DMD: variants seen among roughly 807,000 people sequenced by gnomAD.
DMD encodes the protein dystrophin.
In DMD, 63 loss-of-function variants were observed where a neutral mutation model predicts 330.1. That is an observed-to-expected ratio of 0.19 (90% CI 0.16 to 0.24). DMD has a LOEUF of 0.24. DMD is among the 10% of genes least tolerant of loss of function. DMD has a pLI of 1.00. For synonymous variants in DMD, 1,223 were observed against 959.8 expected, an observed-to-expected ratio of 1.27 and a Z score of -5.07; for missense variants, 3,344 against 2,684.1, an observed-to-expected ratio of 1.25 and a Z score of -5.43.
intron 1 of DMD, among the ~76,000 whole-genome samples, chrX:33,246,414 C>T (rs986147194): frequency 1.8e-5 from 2 of 111,347 alleles, no homozygotes; most frequent in Admixed American, 9.6e-5. Flanking sequence ...TGTTGTGTTT[C>T]TAATGTTGCT....
chrX:32,923,516 G>A (rs1292831965), intron 2 of DMD, among the ~76,000 whole-genome samples: 5 of 109,553 alleles, frequency 4.6e-5, no homozygotes, highest in African/African-American at 6.6e-5. Context: ...AGCCAAGATC[G>A]CACCACTTCA....
intron 1 of DMD, among the ~76,000 whole-genome samples, chrX:33,156,550 T>C (rs183187803): frequency 3.8e-3 from 422 of 111,952 alleles, no homozygotes; most frequent in South Asian, 9.2e-3. Context: ...GGAAGATTTA[T>C]TGGGGGAGAT....
At chrX:32,736,047 A>C (rs1368469079) in intron 7 of DMD, among the ~76,000 whole-genome samples, 1 of 111,927 alleles carries the variant, frequency 8.9e-6, no homozygotes, top group African/African-American at 3.2e-5. Flanking sequence ...CAGAATCTAC[A>C]ATGAACTCAA....
At chrX:31,547,299 C>T (rs752238741) in intron 55 of DMD, among the ~76,000 whole-genome samples, 12 of 112,068 alleles carry the variant, frequency 1.1e-4, no homozygotes, top group Non-Finnish European at 1.5e-4. Flanking sequence ...TAATGAAATG[C>T]TAGCACCACG....
intron 44 of DMD, among the ~76,000 whole-genome samples, chrX:32,053,908 T>G (rs2147558811): frequency 9.0e-6 from 1 of 111,185 alleles, no homozygotes; most frequent in Non-Finnish European, 1.9e-5. Context: ...TAAGGTCACC[T>G]AATTTTTTTT....
At position 32,803,358 on chromosome X, in the gene DMD, TTTC is replaced by T. The variant is rs772023074; in HGVS notation, c.649+6132_649+6134del. Among the ~76,000 whole-genome samples the T allele has an allele frequency of 5.4e-4, 60 of 111,409 alleles. No homozygotes were observed. The Middle Eastern group carries it at 0.028, about 51-fold the overall frequency. Reference sequence around the variant, plus strand: ...CTGTGTCTATTTGATTCTTCTCTCTTTTCTTCTTTTTTAGTCTGGCTAGCCATC... The same window carrying T: ...CTGTGTCTATTTGATTCTTCTCTCTTTTCTTTTTTAGTCTGGCTAGCCATC... On this transcript the variant is annotated intron_variant, in intron 7 of 78. Transcript: ENST00000357033.
intron 41 of DMD, among the ~76,000 whole-genome samples, chrX:32,323,878 G>T (rs2097635090): frequency 9.0e-6 from 1 of 111,404 alleles, no homozygotes. Context: ...AATGAAGTTG[G>T]TTAAAATGTC....
At chrX:33,287,304 C>T (rs2053447936) in intron 1 of DMD, among the ~76,000 whole-genome samples, 1 of 110,061 alleles carries the variant, frequency 9.1e-6, no homozygotes, top group Non-Finnish European at 1.9e-5. Context: ...CGGGGGAGGC[C>T]GTCCTTTGCA....
At chrX:31,250,949 G>A in intron 63 of DMD, among the ~76,000 whole-genome samples, 1 of 109,946 alleles carries the variant, frequency 9.1e-6, no homozygotes, top group East Asian at 2.9e-4. Context: ...GGGTGTGGTG[G>A]TGCACACCTG....
rs575632503 is a variant in DMD, at chrX:32,611,683, C to A, written c.1482+2620G>T. Reference sequence around the variant, plus strand: ...GCTGCCCTAGGTTATCCGTACTTAGCTATGCTAACATTCTTCTTCTACTGC... The same window carrying A: ...GCTGCCCTAGGTTATCCGTACTTAGATATGCTAACATTCTTCTTCTACTGC... On this transcript the variant is annotated intron_variant, in intron 12 of 78. Coordinates refer to ENST00000357033, the MANE Select transcript of DMD (RefSeq NM_004006.3). Among the ~76,000 whole-genome samples, 11 of 111,608 alleles carry A rather than the reference C, an allele frequency of 9.9e-5. No individual in the cohort carries two copies. The East Asian group carries it at 2.8e-3, about 29-fold the overall frequency.
At position 32,314,588 on chromosome X, in the gene DMD, A is replaced by G. The variant is rs141105938; in HGVS notation, c.5923-4312T>C. 8.1e-3 allele frequency among the ~76,000 whole-genome samples: 899 copies of G among 111,404 alleles called. 3 individuals carry two copies. Among genetic ancestry groups the G allele is most frequent in the Non-Finnish European group, 0.013 (690 of 53,055 alleles). ...GAAGAGCACAGCAAAAGACCCTATC[A>G]TGAGAGTCAACAGGCAACCTACAGA... On this transcript the variant is annotated intron_variant, in intron 41 of 78. Coordinates refer to ENST00000357033, the MANE Select transcript of DMD (RefSeq NM_004006.3).
intron 62 of DMD, among the ~76,000 whole-genome samples, chrX:31,307,839 A>G (rs1218575470): frequency 9.0e-6 from 1 of 111,297 alleles, no homozygotes; most frequent in Non-Finnish European, 1.9e-5. Context: ...CCTTACTCCA[A>G]CTTTTTTCAA....
intron 25 of DMD, among the ~76,000 whole-genome samples, chrX:32,458,323 A>T (rs2098369215): frequency 9.0e-6 from 1 of 111,442 alleles, no homozygotes; most frequent in Non-Finnish European, 1.9e-5. Context: ...TGCTGCTGCA[A>T]ATGGAAGAAT....
chrX:31,155,165 T>C (rs1372567636), intron 74 of DMD, among the ~76,000 whole-genome samples: 1 of 112,493 alleles, frequency 8.9e-6, no homozygotes, highest in Admixed American at 9.4e-5. Flanking sequence ...CAATGATTTA[T>C]GAGTGCCTCT....
chrX:32,542,061 A>C (rs1012512818), intron 17 of DMD, among the ~76,000 whole-genome samples: 5 of 108,666 alleles, frequency 4.6e-5, no homozygotes, highest in Admixed American at 9.8e-5. Flanking sequence ...GGAGAGTGTC[A>C]CATCTGGAGC....
At chrX:33,237,015 C>A (rs1022954525) in intron 1 of DMD, among the ~76,000 whole-genome samples, 1 of 111,507 alleles carries the variant, frequency 9.0e-6, no homozygotes, top group East Asian at 2.8e-4. Context: ...CGAGCAAAAA[C>A]CCAGACTACT....
At chrX:31,210,989 T>C (rs1420060158) in intron 64 of DMD, among the ~76,000 whole-genome samples, 1 of 111,232 alleles carries the variant, frequency 9.0e-6, no homozygotes, top group Non-Finnish European at 1.9e-5. Context: ...GAAGCAGGAG[T>C]CTGCACTCCT....
chrX:33,049,618 C>G (rs2094433003), intron 1 of DMD, among the ~76,000 whole-genome samples: 1 of 110,869 alleles, frequency 9.0e-6, no homozygotes, highest in African/African-American at 3.3e-5. Context: ...AAATACTAAA[C>G]TTGCCTAAAT....
intron 44 of DMD, among the ~76,000 whole-genome samples, chrX:32,121,074 T>C (rs1460236877): frequency 8.9e-6 from 1 of 112,389 alleles, no homozygotes; most frequent in African/African-American, 3.2e-5. Flanking sequence ...TAGAAGTTAC[T>C]GATTTGTGCA....
Sources: allele counts gnomAD v4.1 joint callset (sites outside exome capture counted in the v4.1 genomes callset), GRCh38; gene constraint gnomAD v4.1.1; transcripts MANE v1.5; gene names NCBI Gene and HGNC (gene_info 2026-07-23, HGNC 2026-07-21).